ZNF257: variants seen among roughly 807,000 people sequenced by gnomAD.
The protein encoded by ZNF257 is bone marrow zinc finger 4.
In ZNF257, 12 loss-of-function variants were observed where a neutral mutation model predicts 11.9. That is an observed-to-expected ratio of 1.01 (90% CI 0.65 to 1.63). The LOEUF (loss-of-function observed/expected upper bound fraction) is 1.63. ZNF257 is among the 40% of genes most tolerant of loss of function. The pLI, the probability that ZNF257 is intolerant of heterozygous loss-of-function variation, is 0.00. For synonymous variants in ZNF257, 183 were observed against 222.7 expected (o/e 0.82, Z 1.59); for missense variants, 580 against 665.5 (o/e 0.87, Z 1.41).
chr19:22,088,347 T>G lies in ZNF257; in HGVS notation c.597T>G (p.Asn199Lys). 1 of 1,611,304 alleles carries G rather than the reference T, an allele frequency of 6.2e-7. No homozygotes were observed. The highest frequency in any genetic ancestry group is 8.5e-7 in the Non-Finnish European group (1 of 1,179,068). ...ATAAGAGAATTCATATTAGAGAGAA[T>G]TCCCACAAATGTGAAGAATGTGGCA... ...TRHKRIHIRE[N>K]SHKCEECGKA... The change falls in exon 4 of 4, where the codon AAT becomes AAG. Residue 199 changes from asparagine (N) to lysine (K), a missense_variant. Physicochemically the swap from Asn to Lys is moderately conservative, Grantham distance 94. Transcript: ENST00000594947.
chr19:22,063,845 G>A (rs2021869610), intron 1 of ZNF257, among the ~76,000 whole-genome samples: 1 of 152,132 alleles, frequency 6.6e-6, no homozygotes, highest in African/African-American at 2.4e-5. Flanking sequence ...TTTTTACATA[G>A]AGTTCTGTAG....
Position 22,056,066 on chromosome 19 carries a change from A to AAG in ZNF257, c.3+3432_3+3433insGA, listed in dbSNP as rs1368195210. Among the ~76,000 whole-genome samples the AAG allele has an allele frequency of 4.0e-3, 602 of 151,926 alleles. 6 individuals carry two copies. The highest frequency in any genetic ancestry group is 0.013 in the African/African-American group (538 of 41,368). ...CGAGACTCCGTCTCAAAAAAAAAAA[A>AAG]AAAAAGAAAAGAATTGTTTTCACTT... On this transcript the variant is annotated intron_variant, in intron 1 of 3. Transcript: ENST00000594947.
intron 3 of ZNF257, chr19:22,087,559 G>A: frequency 8.1e-7 from 1 of 1,230,046 alleles, no homozygotes; most frequent in African/African-American, 1.6e-5. Context: ...AATGAAACCA[G>A]TGTCTTGAAA....
At chr19:22,085,603 A>AGGG (rs2022458680) in intron 3 of ZNF257, among the ~76,000 whole-genome samples, 3 of 152,000 alleles carry the variant, frequency 2.0e-5, no homozygotes, top group Admixed American at 2.0e-4. Flanking sequence ...ATCCTACTAT[A>AGGG]ATTATATTGC....
rs1479954600 is a variant in ZNF257 at position 22,089,200 on chromosome 19, G to T, written c.1450G>T (p.Glu484Ter). Reference sequence around the variant, plus strand: ...TCAACATAAAATAATTCATACTGGGGAGAAGCCCTACAAATGTGAAGAATG... The same window carrying T: ...TCAACATAAAATAATTCATACTGGGTAGAAGCCCTACAAATGTGAAGAATG... ...LTQHKIIHTGEKPYKCEECGK... is the reference protein window; with the variant it reads ...LTQHKIIHTG Residue 484 changes from glutamate to a stop codon, truncating the protein, a stop_gained, in exon 4 of 4, where the codon GAG becomes TAG. Coordinates refer to ENST00000594947, the MANE Select transcript of ZNF257 (RefSeq NM_033468.4). LOFTEE classifies it low-confidence loss of function (END_TRUNC). The T allele has an allele frequency of 6.2e-7, 1 of 1,613,564 alleles. No homozygotes were observed. The highest frequency in any genetic ancestry group is 1.7e-5 in the Admixed American group (1 of 59,964).
Position 22,052,542 on chromosome 19 carries a change from T to C in ZNF257, c.-91T>C, listed in dbSNP as rs1971728081. 2 of 1,505,512 alleles carry C rather than the reference T, an allele frequency of 1.3e-6. No homozygotes were observed. The highest frequency in any genetic ancestry group is 2.8e-5 in the African/African-American group (2 of 72,272). 93.3% of individuals were successfully genotyped at this position (1,505,512 alleles called of 1,614,324 possible). ...CTCGTCTTCCCTGGTCTGTGTCCTC[T>C]TCTCCTAGGGGCCCAGCCTCTGTGG... On this transcript the variant is annotated 5_prime_UTR_variant, in exon 1 of 4. Coordinates refer to ENST00000594947, the MANE Select transcript of ZNF257 (RefSeq NM_033468.4).
intron 3 of ZNF257, among the ~76,000 whole-genome samples, chr19:22,078,649 C>G (rs2022286662): frequency 6.6e-6 from 1 of 152,072 alleles, no homozygotes; most frequent in Non-Finnish European, 1.5e-5. Context: ...GTTGCTAAGA[C>G]AAGCGTCATG....
At chr19:22,072,993 T>G in intron 2 of ZNF257, 58 bp downstream of exon 2, 1 of 1,403,794 alleles carries the variant, frequency 7.1e-7, no homozygotes, top group South Asian at 1.5e-5. Flanking sequence ...ATTTTTTATT[T>G]ATTTTTTTTT....
At chr19:22,076,046 G>A (rs1485435945) in intron 3 of ZNF257, among the ~76,000 whole-genome samples, 2 of 149,756 alleles carry the variant, frequency 1.3e-5, no homozygotes, top group Non-Finnish European at 3.0e-5. Context: ...ACATTTAGGA[G>A]CAATAAGCTA....
exon 4 of ZNF257, chr19:22,091,460 C>CAAAAAAAAAAAAAAAAAAAAAA (rs573828270): frequency 1.1e-5 from 1 of 93,010 alleles, no homozygotes; most frequent in Non-Finnish European, 2.1e-5. Context: ...GACTTCGTCT[C>CAAAAAAAAAAAAAAAAAAAAAA]AAAAAAAAAA....
chr19:22,058,808 A>G (rs2021714360), intron 1 of ZNF257, among the ~76,000 whole-genome samples: 1 of 152,156 alleles, frequency 6.6e-6, no homozygotes, highest in East Asian at 1.9e-4. Flanking sequence ...CTACCCAGTC[A>G]CAAAGACACC....
At chr19:22,063,015 T>C (rs1045320954) in intron 1 of ZNF257, among the ~76,000 whole-genome samples, 2 of 152,184 alleles carry the variant, frequency 1.3e-5, no homozygotes, top group Non-Finnish European at 2.9e-5. Context: ...TAATCCAATT[T>C]TGGAGCTTGT....
chr19:22,078,829 G>A (rs932258238), intron 3 of ZNF257, among the ~76,000 whole-genome samples: 2 of 110,914 alleles, frequency 1.8e-5, no homozygotes, highest in African/African-American at 7.3e-5. Flanking sequence ...TTTTGCTCTT[G>A]TTGCCCAGGC....
intron 3 of ZNF257, chr19:22,075,294 A>G (rs999972274): frequency 6.5e-6 from 1 of 153,404 alleles, no homozygotes; most frequent in African/African-American, 2.4e-5. Context: ...TGTACCTTAA[A>G]TCGGGATGTA....
rs190466491 is a variant in ZNF257, at chr19:22,054,843, C to A, written c.3+2208C>A. On this transcript the variant is annotated intron_variant, in intron 1 of 3. Transcript: ENST00000594947. ...TTCTTGGTCTTGGGCTTCAGTATTT[C>A]CTGGGGATAAACCAAGATACCCACC... Among the ~76,000 whole-genome samples, 381 of 151,494 alleles carry A rather than the reference C, an allele frequency of 2.5e-3. 1 individual carries two copies. The highest frequency in any genetic ancestry group is 8.9e-3 in the African/African-American group (368 of 41,242).
At chr19:22,078,933 C>CAG (rs1161440599) in intron 3 of ZNF257, among the ~76,000 whole-genome samples, 1 of 151,880 alleles carries the variant, frequency 6.6e-6, no homozygotes, top group African/African-American at 2.4e-5. Context: ...GCTGGGATTA[C>CAG]AGGCATGTGC....
chr19:22,052,517 C>G lies in ZNF257; in HGVS notation c.-116C>G. On this transcript the variant is annotated 5_prime_UTR_variant, in exon 1 of 4. Transcript: ENST00000594947. Reference sequence around the variant, plus strand: ...TCTCGCTCTAGCCCGAGCTGCAGGTCTCGTCTTCCCTGGTCTGTGTCCTCT... The same window carrying G: ...TCTCGCTCTAGCCCGAGCTGCAGGTGTCGTCTTCCCTGGTCTGTGTCCTCT... 7.8e-7 allele frequency: 1 copy of G among 1,288,136 alleles called. No individual in the cohort carries two copies. The highest frequency in any genetic ancestry group is 1.1e-6 in the Non-Finnish European group (1 of 905,772). 79.8% of individuals were successfully genotyped at this position (1,288,136 alleles called of 1,614,324 possible). A position where few individuals can be genotyped will look rare whatever the true frequency, so the allele number is the denominator to read the frequency against.
At chr19:22,083,412 A>C (rs1269201268) in intron 3 of ZNF257, among the ~76,000 whole-genome samples, 1 of 152,180 alleles carries the variant, frequency 6.6e-6, no homozygotes, top group Non-Finnish European at 1.5e-5. Flanking sequence ...TGGAGATTGC[A>C]GTGAGCCAAG....
At chr19:22,063,176 C>T (rs1016899818) in intron 1 of ZNF257, among the ~76,000 whole-genome samples, 7 of 152,098 alleles carry the variant, frequency 4.6e-5, no homozygotes, top group South Asian at 2.1e-4. Context: ...TAGTAGACTT[C>T]AGTAGTTATT....
Sources: allele counts gnomAD v4.1 joint callset (sites outside exome capture counted in the v4.1 genomes callset), GRCh38; gene constraint gnomAD v4.1.1; transcripts MANE v1.5; gene names NCBI Gene and HGNC (gene_info 2026-07-23, HGNC 2026-07-21).